Variants in DPP6 observed in about 807,000 individuals in gnomAD.
DPP6 encodes A-type potassium channel modulatory protein DPP6.
Under a neutral mutation model 122.6 loss-of-function variants are expected in DPP6, and 69 were observed. The observed-to-expected ratio is 0.56, with a 90% CI of 0.46 to 0.69. The LOEUF (loss-of-function observed/expected upper bound fraction) is 0.69, where lower values mean the gene tolerates loss of function less well. Among genes scored for constraint, DPP6 ranks in the 30% least tolerant of loss-of-function variants. DPP6 has a pLI of 0.00. For synonymous variants in DPP6, 418 were observed against 433.1 expected (o/e 0.97, Z 0.43); for missense variants, 928 against 1,116.9 (o/e 0.83, Z 2.41).
rs570836063 is a variant in DPP6 at position 154,470,369 on chromosome 7, C to T, written c.359-4570C>T. The stretch of plus-strand genomic sequence containing the variant: ...AAGCACTTTAGAGTTGTCAGTTATT[C>T]CAAATTGCTCACAAAAGCAGAATCT... On this transcript the variant is annotated intron_variant, in intron 2 of 25. Transcript: ENST00000377770. 2.0e-5 allele frequency among the ~76,000 whole-genome samples: 3 copies of T among 152,254 alleles called. No individual in the cohort carries two copies. In the East Asian group the frequency reaches 5.8e-4, roughly 29 times the overall value.
intron 17 of DPP6, among the ~76,000 whole-genome samples, chr7:154,864,422 T>C (rs756721713): frequency 6.6e-6 from 1 of 152,172 alleles, no homozygotes; most frequent in African/African-American, 2.4e-5. Flanking sequence ...TCTCACTGTG[T>C]CCAGATCTGA....
the DPP6 span, among the ~76,000 whole-genome samples, chr7:153,789,034 A>G: frequency 3.1e-4 from 47 of 152,206 alleles, 1 homozygote; most frequent in South Asian, 9.0e-3. Context: ...AGTAAGACCA[A>G]GAAACTGCCA....
At chr7:153,925,323 C>G (rs1173480596) in intron 1 of DPP6, among the ~76,000 whole-genome samples, 3 of 151,320 alleles carry the variant, frequency 2.0e-5, no homozygotes, top group Non-Finnish European at 2.9e-5. Flanking sequence ...CCCCGAGGTT[C>G]TGATGAAGAG....
intron 1 of DPP6, among the ~76,000 whole-genome samples, chr7:154,351,344 C>T (rs1053449132): frequency 1.3e-5 from 2 of 152,160 alleles, no homozygotes; most frequent in Admixed American, 1.3e-4. Flanking sequence ...GGCCCCACCA[C>T]CATCTCTTCT....
At chr7:154,285,985 C>G (rs1431960154) in intron 1 of DPP6, among the ~76,000 whole-genome samples, 2 of 152,178 alleles carry the variant, frequency 1.3e-5, no homozygotes, top group Non-Finnish European at 2.9e-5. Context: ...ATTTGTCATC[C>G]ATTTTTCCCT....
At chr7:154,127,375 T>G (rs555621031) in intron 1 of DPP6, among the ~76,000 whole-genome samples, 3 of 152,112 alleles carry the variant, frequency 2.0e-5, no homozygotes, top group African/African-American at 7.2e-5. Context: ...TAGGTATAGA[T>G]TAAAATCTGT....
chr7:154,695,433 T>C (rs1025523507), intron 7 of DPP6, among the ~76,000 whole-genome samples: 3 of 152,218 alleles, frequency 2.0e-5, no homozygotes, highest in African/African-American at 4.8e-5. Flanking sequence ...AAGACATACA[T>C]ACATGACAGA....
In DPP6 at chr7:154,607,857, C is replaced by T. The variant is rs1173264325; in HGVS notation, c.628-29964C>T. On this transcript the variant is annotated intron_variant, in intron 5 of 25. Coordinates refer to ENST00000377770, the MANE Select transcript of DPP6 (RefSeq NM_130797.4). ...ATTAGTAGTTAAGTTTTGGAGGAGC[C>T]AAAATCATACATGTATTTTTAACTA... 1.7e-5 allele frequency among the ~76,000 whole-genome samples: 2 copies of T among 119,952 alleles called. 1 individual carries two copies. Among genetic ancestry groups the T allele is most frequent in the African/African-American group, 5.3e-5 (2 of 37,802 alleles). The allele number at this position is 119,952 out of a possible 152,430, so 78.7% of individuals were successfully genotyped here.
rs565782125 is a variant in DPP6, at chr7:154,078,023, G to A, written c.243+24960G>A. Among the ~76,000 whole-genome samples the A allele has an allele frequency of 2.0e-5, 3 of 152,254 alleles. No homozygotes were observed. The East Asian group carries it at 5.8e-4, about 29-fold the overall frequency. On this transcript the variant is annotated intron_variant, in intron 1 of 25. Coordinates refer to ENST00000377770, the MANE Select transcript of DPP6 (RefSeq NM_130797.4). ...TTATTTCTTTCACAAAACCCTGGCTGTACAAGTATCCTCTGTAAACTTAGA... is the reference window on the plus strand; with the variant it reads ...TTATTTCTTTCACAAAACCCTGGCTATACAAGTATCCTCTGTAAACTTAGA...
At chr7:153,883,476 G>A (rs551004353), upstream of DPP6, among the ~76,000 whole-genome samples, 3 of 151,962 alleles carry the variant, frequency 2.0e-5, no homozygotes, top group East Asian at 5.8e-4. Context: ...TCCGCCTCCC[G>A]GGTTCAAGCA....
chr7:154,051,327 C>T (rs1430034097), upstream of DPP6, among the ~76,000 whole-genome samples: 1 of 131,758 alleles, frequency 7.6e-6, no homozygotes, highest in Non-Finnish European at 1.6e-5. Flanking sequence ...CCTTCCCGGC[C>T]GGGAAGGGCT....
chr7:153,772,612 C>T, the DPP6 span, among the ~76,000 whole-genome samples: 5 of 151,482 alleles, frequency 3.3e-5, no homozygotes, highest in African/African-American at 1.2e-4. Flanking sequence ...GATTTTAATC[C>T]AAAGAGATCA....
chr7:154,274,147 ATGGGTCAG>A (rs1803977538), intron 1 of DPP6, among the ~76,000 whole-genome samples: 1 of 152,158 alleles, frequency 6.6e-6, no homozygotes, highest in African/African-American at 2.4e-5. Flanking sequence ...CAGAAAACAC[ATGGGTCAG>A]TGTTAATTCA....
chr7:153,896,526 T>C (rs770902231), intron 1 of DPP6, among the ~76,000 whole-genome samples: 20 of 152,214 alleles, frequency 1.3e-4, no homozygotes, highest in Non-Finnish European at 2.6e-4. Context: ...TTTAACAGGC[T>C]GGGCACAGTG....
At chr7:154,322,432 A>G (rs1423258771) in intron 1 of DPP6, among the ~76,000 whole-genome samples, 1 of 152,230 alleles carries the variant, frequency 6.6e-6, no homozygotes, top group African/African-American at 2.4e-5. Flanking sequence ...AAAAGAGTCA[A>G]CTACCGAAGG....
At chr7:154,377,347 C>T (rs975957208) in intron 1 of DPP6, among the ~76,000 whole-genome samples, 2 of 152,106 alleles carry the variant, frequency 1.3e-5, no homozygotes, top group African/African-American at 4.8e-5. Context: ...GGATGTTGGC[C>T]CACACAGAGC....
At chr7:154,344,351 A>T (rs1810206977) in intron 1 of DPP6, among the ~76,000 whole-genome samples, 1 of 152,184 alleles carries the variant, frequency 6.6e-6, no homozygotes, top group African/African-American at 2.4e-5. Flanking sequence ...AATGCAAATC[A>T]AAACTGCAAT....
chr7:153,788,324 C>G, the DPP6 span, among the ~76,000 whole-genome samples: 1 of 152,176 alleles, frequency 6.6e-6, no homozygotes, highest in Non-Finnish European at 1.5e-5. Context: ...CTGCTGCCAA[C>G]TGAATGACCT....
intron 6 of DPP6, among the ~76,000 whole-genome samples, chr7:154,651,080 G>T (rs1020705862): frequency 1.3e-5 from 2 of 152,080 alleles, no homozygotes; most frequent in African/African-American, 4.8e-5. Context: ...ATGCACTCAC[G>T]ACTTCATAGG....
Sources: allele counts gnomAD v4.1 joint callset (sites outside exome capture counted in the v4.1 genomes callset), GRCh38; gene constraint gnomAD v4.1.1; transcripts MANE v1.5; gene names NCBI Gene and HGNC (gene_info 2026-07-23, HGNC 2026-07-21).